The following VWA8 variants were observed in gnomAD, a reference collection of about 807,000 sequenced individuals.
VWA8 encodes von Willebrand factor A domain containing 8.
In VWA8, 221 loss-of-function variants were observed where a neutral mutation model predicts 241.5. The observed-to-expected ratio is 0.91, with a 90% CI of 0.82 to 1.02. The LOEUF is 1.02. Ranked by LOEUF, VWA8 falls within the 50% of genes least tolerant of loss-of-function variation. VWA8 has a pLI of 0.00. For missense variants in VWA8, 2,322 were observed against 2,328.7 expected, an observed-to-expected ratio of 1.00 and a Z score of 0.06; for synonymous variants, 852 against 827.1, an observed-to-expected ratio of 1.03 and a Z score of -0.52.
chr13:41,911,143 A>G (rs890127117), intron 3 of VWA8, among the ~76,000 whole-genome samples: 2 of 148,446 alleles, frequency 1.3e-5, no homozygotes, highest in South Asian at 4.2e-4. Context: ...GGCTCACTGC[A>G]ACTTCCACCT....
chr13:41,756,883 A>G (rs1593748996), intron 21 of VWA8, among the ~76,000 whole-genome samples: 1 of 151,930 alleles, frequency 6.6e-6, no homozygotes, highest in Middle Eastern at 3.4e-3. Flanking sequence ...CCCTCACTCT[A>G]CAGCAGGAGG....
chr13:41,576,173 GT>G (rs1454661377), intron 42 of VWA8, among the ~76,000 whole-genome samples: 12 of 152,212 alleles, frequency 7.9e-5, no homozygotes, highest in Non-Finnish European at 1.6e-4. Flanking sequence ...GAGCAATGCA[GT>G]TATTTCTTTT....
chr13:41,920,392 C>A (rs1039773393), intron 2 of VWA8, among the ~76,000 whole-genome samples: 1 of 151,990 alleles, frequency 6.6e-6, no homozygotes, highest in Admixed American at 6.6e-5. Context: ...GAGGCAAGAG[C>A]AAACACATTC....
At chr13:41,732,814 A>AAC (rs2045495307) in intron 21 of VWA8, among the ~76,000 whole-genome samples, 1 of 152,196 alleles carries the variant, frequency 6.6e-6, no homozygotes, top group South Asian at 2.1e-4. Flanking sequence ...TCCTGATGTT[A>AAC]AGAACCTCCT....
chr13:41,747,437 C>T (rs375533388), intron 21 of VWA8, among the ~76,000 whole-genome samples: 3 of 152,118 alleles, frequency 2.0e-5, no homozygotes, highest in African/African-American at 4.8e-5. Flanking sequence ...GTGATTTTTG[C>T]ACATTGATTT....
chr13:41,772,675 T>C (rs549418379), intron 20 of VWA8, among the ~76,000 whole-genome samples: 1 of 152,226 alleles, frequency 6.6e-6, no homozygotes, highest in Non-Finnish European at 1.5e-5. Context: ...AAAGACTATG[T>C]GCTGTGTCAT....
intron 1 of VWA8, among the ~76,000 whole-genome samples, chr13:41,954,359 T>G (rs988174942): frequency 2.0e-5 from 3 of 152,186 alleles, no homozygotes; most frequent in African/African-American, 7.2e-5. Context: ...CAGAATTCTA[T>G]ATTGTCCATT....
intron 4 of VWA8, among the ~76,000 whole-genome samples, chr13:41,896,178 ACTCT>A (rs1288410273): frequency 6.6e-6 from 1 of 152,008 alleles, no homozygotes; most frequent in African/African-American, 2.4e-5. Flanking sequence ...ATTTGATATA[ACTCT>A]CTCGCACTGT....
chr13:41,569,859 T>A (rs1417653950), intron 44 of VWA8, among the ~76,000 whole-genome samples: 1 of 152,184 alleles, frequency 6.6e-6, no homozygotes, highest in Non-Finnish European at 1.5e-5. Context: ...GAATATTTAG[T>A]ATATTCAGTG....
At chr13:41,678,401 T>A (rs554150227) in intron 35 of VWA8, among the ~76,000 whole-genome samples, 7 of 152,354 alleles carry the variant, frequency 4.6e-5, no homozygotes, top group Non-Finnish European at 8.8e-5. Context: ...ATAAGGTCAA[T>A]CTTGGATAAA....
chr13:41,589,902 G>C (rs1353580358), intron 41 of VWA8, among the ~76,000 whole-genome samples: 1 of 152,170 alleles, frequency 6.6e-6, no homozygotes, highest in African/African-American at 2.4e-5. Flanking sequence ...TTAAGAAGAA[G>C]GGTACATAAG....
intron 21 of VWA8, among the ~76,000 whole-genome samples, chr13:41,748,413 T>C (rs1339662237): frequency 3.3e-5 from 5 of 152,192 alleles, no homozygotes; most frequent in Non-Finnish European, 7.3e-5. Context: ...TCTCTGATGG[T>C]AGTTTGCATT....
intron 40 of VWA8, among the ~76,000 whole-genome samples, chr13:41,602,443 G>A (rs982149931): frequency 6.6e-6 from 1 of 152,028 alleles, no homozygotes; most frequent in Admixed American, 6.6e-5. Context: ...TTTATAAAGC[G>A]GGGGCAAAAG....
intron 17 of VWA8, among the ~76,000 whole-genome samples, chr13:41,802,947 C>T (rs754926388): frequency 3.3e-5 from 5 of 152,234 alleles, no homozygotes; most frequent in Admixed American, 6.5e-5. Flanking sequence ...CTCCCAACTC[C>T]AGACAGCTGA....
intron 26 of VWA8, among the ~76,000 whole-genome samples, chr13:41,719,110 C>A (rs1038404463): frequency 6.6e-6 from 1 of 151,946 alleles, no homozygotes; most frequent in African/African-American, 2.4e-5. Flanking sequence ...CTAGTTCTTA[C>A]TACCTCTTTC....
At chr13:41,609,542 C>T (rs111725741) in intron 39 of VWA8, among the ~76,000 whole-genome samples, 4 of 152,066 alleles carry the variant, frequency 2.6e-5, no homozygotes, top group South Asian at 2.1e-4. Flanking sequence ...CCATCGCATT[C>T]ATTATATGTT....
intron 38 of VWA8, among the ~76,000 whole-genome samples, chr13:41,612,522 G>C (rs566645368): frequency 2.0e-5 from 3 of 152,242 alleles, no homozygotes; most frequent in African/African-American, 7.2e-5. Context: ...AAGTGGTGGG[G>C]ACATTGGCTA....
At chr13:41,855,339 AATATATAAATATATATTAAT>A (rs1872701902) in intron 12 of VWA8, among the ~76,000 whole-genome samples, 1 of 145,652 alleles carries the variant, frequency 6.9e-6, no homozygotes, top group Non-Finnish European at 1.5e-5. Flanking sequence ...TATAATATAT[AATATATAAATATATATTAAT>A]ATATATTAAT....
At position 41,961,094 on chromosome 13, in the gene VWA8, C is replaced by T; in HGVS notation, c.-79G>A. On this transcript the variant is annotated 5_prime_UTR_variant, in exon 1 of 45. Coordinates refer to ENST00000379310, the MANE Select transcript of VWA8 (RefSeq NM_015058.2). Reference sequence around the variant, plus strand: ...CCCGTGCAGGCACCGTGAGGCAGCGCGGAGAAGGGGACAGGAAGCGGCACC... The same window carrying T: ...CCCGTGCAGGCACCGTGAGGCAGCGTGGAGAAGGGGACAGGAAGCGGCACC... 7.8e-7 allele frequency: 1 copy of T among 1,274,220 alleles called. No homozygotes were observed. The highest frequency in any genetic ancestry group is 1.6e-5 in the African/African-American group (1 of 63,450). The allele number at this position is 1,274,220 out of a possible 1,614,324, so 78.9% of individuals were successfully genotyped here.
Sources: allele counts gnomAD v4.1 joint callset (sites outside exome capture counted in the v4.1 genomes callset), GRCh38; gene constraint gnomAD v4.1.1; transcripts MANE v1.5; gene names NCBI Gene and HGNC (gene_info 2026-07-23, HGNC 2026-07-21).